CSMD1: variants seen among roughly 807,000 people sequenced by gnomAD.
The protein encoded by CSMD1 is CUB and Sushi multiple domains 1.
Under a neutral mutation model 417.5 loss-of-function variants are expected in CSMD1, and 213 were observed. The observed-to-expected ratio is 0.51, with a 90% confidence interval of 0.46 to 0.57. The LOEUF is 0.57. Among genes scored for constraint, CSMD1 ranks in the 20% least tolerant of loss-of-function variants. The probability of loss-of-function intolerance (pLI) is 0.00; values close to 1 mark genes in which losing one functional copy is unlikely to be tolerated. For synonymous variants in CSMD1, 2,862 were observed against 1,736.8 expected (o/e 1.65, Z -16.11); for missense variants, 6,923 against 4,529.7 (o/e 1.53, Z -15.17).
chr8:4,060,697 G>C (rs1425842049), intron 3 of CSMD1, among the ~76,000 whole-genome samples: 1 of 152,094 alleles, frequency 6.6e-6, no homozygotes, highest in Non-Finnish European at 1.5e-5. Flanking sequence ...AGAAATGCCT[G>C]CTCCTCCACA....
At chr8:3,190,704 T>G (rs73660604) in intron 33 of CSMD1, among the ~76,000 whole-genome samples, 3,498 of 152,298 alleles carry the variant, frequency 0.023, 125 homozygotes, top group African/African-American at 0.079. Context: ...ATTGTAGCAT[T>G]CTTCAAAATA....
intron 3 of CSMD1, among the ~76,000 whole-genome samples, chr8:4,115,244 G>A (rs1013430232): frequency 6.6e-6 from 1 of 152,154 alleles, no homozygotes. Flanking sequence ...AGAGCTTCCA[G>A]TAGCAAAAAG....
intron 10 of CSMD1, 88 bp from the exon 11 acceptor site, chr8:3,493,814 T>C (rs958051610): frequency 3.5e-6 from 4 of 1,131,032 alleles, no homozygotes; most frequent in African/African-American, 1.5e-5. Context: ...GTTATACTGT[T>C]AAATTTTGCT....
At chr8:3,861,510 G>T (rs17067783) in intron 5 of CSMD1, among the ~76,000 whole-genome samples, 7,686 of 152,214 alleles carry the variant, frequency 0.05, 275 homozygotes, top group Non-Finnish European at 0.08. Context: ...CTTTGAACCT[G>T]CACCTGATGC....
chr8:4,547,675 G>A (rs929745778), intron 2 of CSMD1, among the ~76,000 whole-genome samples: 1 of 152,160 alleles, frequency 6.6e-6, no homozygotes, highest in African/African-American at 2.4e-5. Context: ...ATTGAGTTCT[G>A]TATGAGAAAT....
At chr8:4,559,870 G>A (rs1201518382) in intron 2 of CSMD1, among the ~76,000 whole-genome samples, 1 of 152,194 alleles carries the variant, frequency 6.6e-6, no homozygotes, top group East Asian at 1.9e-4. Context: ...CCTTCTCCAG[G>A]AAAACGTTCT....
At chr8:3,161,261 AAG>A (rs1286000927) in intron 38 of CSMD1, among the ~76,000 whole-genome samples, 30 of 152,180 alleles carry the variant, frequency 2.0e-4, no homozygotes, top group Admixed American at 8.5e-4. Flanking sequence ...AATAAATAAT[AAG>A]AGAAAAATGA....
At chr8:4,344,468 T>C (rs1007586043) in intron 3 of CSMD1, among the ~76,000 whole-genome samples, 2 of 151,960 alleles carry the variant, frequency 1.3e-5, no homozygotes, top group African/African-American at 2.4e-5. Context: ...CTTTTACAAA[T>C]GTCTACCTCT....
chr8:3,975,547 G>A (rs940850016), intron 5 of CSMD1, among the ~76,000 whole-genome samples: 1 of 152,184 alleles, frequency 6.6e-6, no homozygotes, highest in South Asian at 2.1e-4. Context: ...TTCTCCCACT[G>A]TCGGGATGAC....
In CSMD1 at chr8:3,754,330, A is replaced by C. The variant is rs999272853; in HGVS notation, c.819-288T>G. On this transcript the variant is annotated intron_variant, in intron 5 of 69. Coordinates refer to ENST00000635120, the MANE Select transcript of CSMD1 (RefSeq NM_033225.6). The stretch of plus-strand genomic sequence containing the variant: ...GGAGGAGGTATTCTTTTGATCTCTT[A>C]GTTCTTTTCATCAAGATCTTAATCA... Among the ~76,000 whole-genome samples, 4 of 152,168 alleles carry C rather than the reference A, an allele frequency of 2.6e-5. No individual in the cohort carries two copies. The East Asian group carries it at 7.7e-4, about 29-fold the overall frequency.
At chr8:3,936,584 G>A (rs980851071) in intron 5 of CSMD1, among the ~76,000 whole-genome samples, 2 of 152,104 alleles carry the variant, frequency 1.3e-5, no homozygotes, top group African/African-American at 2.4e-5. Flanking sequence ...TCTCTTTATA[G>A]CATGGTTTAC....
chr8:3,356,304 C>T (rs1416475634), intron 21 of CSMD1, among the ~76,000 whole-genome samples: 2 of 152,172 alleles, frequency 1.3e-5, no homozygotes, highest in Non-Finnish European at 2.9e-5. Context: ...CAATTTTCCT[C>T]TTTTGGATAC....
At chr8:3,736,139 C>A (rs1796509737) in intron 6 of CSMD1, among the ~76,000 whole-genome samples, 2 of 152,168 alleles carry the variant, frequency 1.3e-5, no homozygotes, top group African/African-American at 4.8e-5. Context: ...TTTCAGTACT[C>A]ATAAAACCCT....
chr8:3,572,295 G>A (rs1171750290), intron 10 of CSMD1, among the ~76,000 whole-genome samples: 1 of 152,182 alleles, frequency 6.6e-6, no homozygotes. Flanking sequence ...GCCTGGGGCA[G>A]AAAGCAGGAG....
chr8:3,320,364 A>T (rs377248820), intron 23 of CSMD1, among the ~76,000 whole-genome samples: 78 of 152,212 alleles, frequency 5.1e-4, no homozygotes, highest in African/African-American at 1.8e-3. Context: ...GGCACTGCTT[A>T]TTGCTTGGCT....
At chr8:3,516,058 T>C (rs1030035400) in intron 10 of CSMD1, among the ~76,000 whole-genome samples, 3 of 152,118 alleles carry the variant, frequency 2.0e-5, no homozygotes, top group African/African-American at 7.2e-5. Context: ...AACTCCCTAC[T>C]GTAGAACTGG....
chr8:4,779,532 T>A (rs1249711855), intron 1 of CSMD1, among the ~76,000 whole-genome samples: 1 of 152,160 alleles, frequency 6.6e-6, no homozygotes, highest in African/African-American at 2.4e-5. Flanking sequence ...AAAAGGAACA[T>A]TAACCAAGGG....
chr8:4,288,680 T>C (rs976899535), intron 3 of CSMD1, among the ~76,000 whole-genome samples: 1 of 152,196 alleles, frequency 6.6e-6, no homozygotes, highest in African/African-American at 2.4e-5. Flanking sequence ...TCAACATTTG[T>C]AACCTCGTTG....
chr8:3,300,399 G>T (rs139860388), intron 25 of CSMD1, among the ~76,000 whole-genome samples: 3 of 151,740 alleles, frequency 2.0e-5, no homozygotes, highest in Admixed American at 6.6e-5. Context: ...TTAAAATTAA[G>T]AAAAATAATT....
Sources: gnomAD v4.1 joint callset for allele counts (sites outside exome capture counted in the v4.1 genomes callset) on GRCh38, gnomAD v4.1.1 for gene constraint, MANE v1.5 for transcripts, NCBI Gene and HGNC (gene_info 2026-07-23, HGNC 2026-07-21) for gene names.